CEP164: variants seen among roughly 807,000 people sequenced by gnomAD.
CEP164 encodes centrosomal protein of 164 kDa.
A neutral mutation model predicts 182.7 loss-of-function variants in CEP164; 162 were observed. The observed-to-expected ratio is 0.89, with a 90% CI of 0.78 to 1.01. The LOEUF is 1.01. Ranked by LOEUF, CEP164 falls within the 50% of genes least tolerant of loss-of-function variation. CEP164 has a pLI of 0.00. For synonymous variants in CEP164, 661 were observed against 690.0 expected, an observed-to-expected ratio of 0.96 and a Z score of 0.66; for missense variants, 1,735 against 1,790.4, an observed-to-expected ratio of 0.97 and a Z score of 0.56.
intron 3 of CEP164, among the ~76,000 whole-genome samples, chr11:117,343,418 T>C (rs1269146969): frequency 6.6e-6 from 1 of 152,190 alleles, no homozygotes; most frequent in Non-Finnish European, 1.5e-5. Context: ...GTTTGTAATG[T>C]CCTCAAGGAG....
chr11:117,339,538 T>C (rs1592006665), intron 3 of CEP164, among the ~76,000 whole-genome samples: 1 of 133,694 alleles, frequency 7.5e-6, no homozygotes, highest in Non-Finnish European at 1.6e-5. Context: ...TTTTTTTTTT[T>C]TTTTTTTTGA....
Position 117,383,005 on chromosome 11 carries a change from A to G in CEP164, c.1724+63A>G, listed in dbSNP as rs1053412350. On this transcript the variant is annotated intron_variant, in intron 14 of 32. Transcript: ENST00000278935. ...CTGCGTGTGGGCTGCTTCAGTGCCT[A>G]TTCACTCTTGGGTGGTGGGAGGTGG... 1.3e-5 allele frequency: 21 copies of G among 1,556,284 alleles called. No homozygotes were observed. The Admixed American group carries it at 2.4e-4, about 17-fold the overall frequency.
intron 8 of CEP164, among the ~76,000 whole-genome samples, chr11:117,365,327 G>A (rs2041502487): frequency 6.6e-6 from 1 of 152,216 alleles, no homozygotes; most frequent in South Asian, 2.1e-4. Flanking sequence ...ACTTGTGAAT[G>A]AGTGAATGAG....
Position 117,409,929 on chromosome 11 carries a change from G to C in CEP164, c.4060G>C (p.Asp1354His). Reference sequence around the variant, plus strand: ...CTCCTCTGTGGCTCAAACGGTGGACGACTTCCTGTTGGAGAAGTGGCGCAA... The same window carrying C: ...CTCCTCTGTGGCTCAAACGGTGGACCACTTCCTGTTGGAGAAGTGGCGCAA... The part of the protein sequence containing the change: ...LPSSVAQTVD[D>H]FLLEKWRKYF... The change falls in exon 30 of 33, where the codon GAC becomes CAC. Residue 1354 changes from aspartate (D) to histidine (H), a missense_variant. Physicochemically the swap from Asp to His is moderately conservative, Grantham distance 81. Transcript: ENST00000278935. This position sits in a 1 kb window ranked among gnomAD's most constrained non-coding sequence, Gnocchi z 4.4. 6.2e-7 allele frequency: 1 copy of C among 1,614,164 alleles called. No homozygotes were observed. Among genetic ancestry groups the C allele is most frequent in the Non-Finnish European group, 8.5e-7 (1 of 1,180,032 alleles).
rs149004559 is a variant in CEP164 at position 117,335,082 on chromosome 11, C to T, written c.-97-523C>T. Among the ~76,000 whole-genome samples the T allele has an allele frequency of 1.0e-3, 155 of 152,282 alleles. 1 individual carries two copies. Among genetic ancestry groups the T allele is most frequent in the African/African-American group, 3.6e-3 (148 of 41,558 alleles). The stretch of plus-strand genomic sequence containing the variant: ...CCTCTCCCTAAGAGGATTAAAGATT[C>T]AGGTGACTCTGTAAGCCACCAGGCA... On this transcript the variant is annotated intron_variant, in intron 1 of 32. Coordinates refer to ENST00000278935, the MANE Select transcript of CEP164 (RefSeq NM_014956.5).
At chr11:117,410,303 T>A in intron 30 of CEP164, 1 of 456,336 alleles carries the variant, frequency 2.2e-6, no homozygotes, top group Middle Eastern at 5.9e-4. Flanking sequence ...GCTACCATCT[T>A]GTGCAATACA....
chr11:117,372,666 C>T (rs977256045), intron 9 of CEP164, among the ~76,000 whole-genome samples: 8 of 152,198 alleles, frequency 5.3e-5, no homozygotes, highest in Non-Finnish European at 8.8e-5. Context: ...ATCTGCCCGC[C>T]TTGGCCTCCT....
intron 17 of CEP164, among the ~76,000 whole-genome samples, chr11:117,391,614 C>T (rs1046313469): frequency 6.6e-6 from 1 of 152,138 alleles, no homozygotes; most frequent in Non-Finnish European, 1.5e-5. Context: ...CTCTGTCCCT[C>T]ACTGTCTCTG....
Position 117,397,233 on chromosome 11 carries a change from G to C in CEP164, c.3421G>C (p.Glu1141Gln). ...LKAAQQHWRH[E>Q]LASAQEVAKD... ...AGCTGCCCAGCAGCATTGGCGCCAT[G>C]AGCTGGCCAGTGCGCAGGAGGTGGC... is the stretch of plus-strand genomic sequence containing the variant. Residue 1141 changes from glutamate (E) to glutamine (Q), a missense_variant, in exon 27 of 33, where the codon GAG (glutamate) becomes CAG (glutamine). By Grantham distance (29) the Glu-to-Gln change is conservative (BLOSUM62 2). Coordinates refer to ENST00000278935, the MANE Select transcript of CEP164 (RefSeq NM_014956.5). 6.2e-7 allele frequency: 1 copy of C among 1,614,256 alleles called. No individual in the cohort carries two copies. Among genetic ancestry groups the C allele is most frequent in the South Asian group, 1.1e-5 (1 of 91,084 alleles).
rs150451678 is a variant in CEP164 at position 117,395,554 on chromosome 11, C to T, written c.2921C>T (p.Thr974Ile). 185 of 1,610,054 alleles carry T rather than the reference C, an allele frequency of 1.1e-4. No individual in the cohort carries two copies. Among genetic ancestry groups the T allele is most frequent in the Non-Finnish European group, 1.4e-4 (164 of 1,178,146 alleles). The change falls in exon 24 of 33, where the codon ACA (threonine) becomes ATA (isoleucine). Residue 974 changes from threonine (T) to isoleucine (I), a missense_variant. Coordinates refer to ENST00000278935, the MANE Select transcript of CEP164 (RefSeq NM_014956.5). ...RQVALKSEEA[T>I]ATHQQLEEAQ... Reference sequence around the variant, plus strand: ...CTTTCCTTTTGCCCCTAGGAAGCCACAGCCACCCATCAGCAGCTGGAGGAG... The same window carrying T: ...CTTTCCTTTTGCCCCTAGGAAGCCATAGCCACCCATCAGCAGCTGGAGGAG...
At chr11:117,349,514 G>A (rs1307846791) in intron 4 of CEP164, among the ~76,000 whole-genome samples, 1 of 151,754 alleles carries the variant, frequency 6.6e-6, no homozygotes, top group Non-Finnish European at 1.5e-5. Context: ...TTAGAGATAG[G>A]GTATTGCTCT....
rs1362296882 is a variant in CEP164, at chr11:117,409,993, C to CCACCTGCCTCCTCCTCCT, written c.4096+30_4096+47dup. ...AAGCCCCACTCTGGGCGGAGCCTTC[C>CCACCTGCCTCCTCCTCCT]CACCTGCCTCCTCCTCCTCCTCTTC... On this transcript the variant is annotated intron_variant, in intron 30 of 32. Transcript: ENST00000278935. This position sits in a 1 kb window ranked among gnomAD's most constrained non-coding sequence, Gnocchi z 4.4. The CCACCTGCCTCCTCCTCCT allele has an allele frequency of 2.2e-5, 35 of 1,583,358 alleles. No homozygotes were observed. Among genetic ancestry groups the CCACCTGCCTCCTCCTCCT allele is most frequent in the Non-Finnish European group, 3.0e-5 (35 of 1,153,980 alleles).
intron 8 of CEP164, among the ~76,000 whole-genome samples, chr11:117,368,647 C>T (rs542873007): frequency 6.6e-6 from 1 of 152,232 alleles, no homozygotes; most frequent in South Asian, 2.1e-4. Context: ...GGCCCGGCAC[C>T]CTTTGCCCAC....
chr11:117,395,284 C>T (rs1435412136), intron 23 of CEP164, 93 bp downstream of exon 23: 1 of 1,453,300 alleles, frequency 6.9e-7, no homozygotes, highest in African/African-American at 1.4e-5. Flanking sequence ...CTGATCTGTC[C>T]AGGGCACTGG....
At chr11:117,396,433 C>T (rs2045471599) in intron 25 of CEP164, 117 bp from the exon 26 acceptor site, 2 of 903,594 alleles carry the variant, frequency 2.2e-6, no homozygotes, top group Admixed American at 3.5e-5. Context: ...TAAACAGTGC[C>T]TGGCAGCTAG....
upstream of CEP164, among the ~76,000 whole-genome samples, chr11:117,323,067 A>G (rs1248275048): frequency 6.6e-6 from 1 of 151,802 alleles, no homozygotes; most frequent in Non-Finnish European, 1.5e-5. Flanking sequence ...CATCTGGCCT[A>G]ATTTTGTATT....
intron 4 of CEP164, 111 bp downstream of exon 4, chr11:117,344,388 C>A: frequency 1.4e-6 from 1 of 701,536 alleles, no homozygotes; most frequent in Admixed American, 2.5e-5. Flanking sequence ...CCTGTACAGT[C>A]AGGGACAGTA....
chr11:117,342,687 G>C (rs1292458279), intron 3 of CEP164, among the ~76,000 whole-genome samples: 1 of 151,830 alleles, frequency 6.6e-6, no homozygotes, highest in Non-Finnish European at 1.5e-5. Context: ...TGTTGCCCAA[G>C]CTGGTCTCAA....
chr11:117,346,629 C>T (rs370971325), intron 4 of CEP164, among the ~76,000 whole-genome samples: 14 of 151,756 alleles, frequency 9.2e-5, no homozygotes, highest in East Asian at 2.0e-4. Flanking sequence ...TTTGGGAGGC[C>T]GAGTTTGGAG....
Sources: allele counts gnomAD v4.1 joint callset (sites outside exome capture counted in the v4.1 genomes callset), GRCh38; gene constraint gnomAD v4.1.1; non-coding constraint Gnocchi (gnomAD v3.1); transcripts MANE v1.5; gene names NCBI Gene and HGNC (gene_info 2026-07-23, HGNC 2026-07-21).